NR6A1: variants seen among roughly 807,000 people sequenced by gnomAD.
The protein encoded by NR6A1 is retinoic acid receptor-related testis-associated receptor.
NR6A1 carries 7 observed loss-of-function variants against 59.1 expected under a neutral mutation model. The ratio of observed to expected loss-of-function variants is 0.12; its 90% CI spans 0.07 to 0.22. NR6A1 has a LOEUF of 0.22. Ranked by LOEUF, NR6A1 falls within the 10% of genes least tolerant of loss-of-function variation. The probability of loss-of-function intolerance (pLI) is 1.00; values close to 1 mark genes in which losing one functional copy is unlikely to be tolerated. For missense variants in NR6A1, 468 were observed against 611.6 expected, an observed-to-expected ratio of 0.77 and a Z score of 2.48; for synonymous variants, 243 against 236.1, an observed-to-expected ratio of 1.03 and a Z score of -0.27.
intron 2 of NR6A1, among the ~76,000 whole-genome samples, chr9:124,628,848 CG>C (rs1214781253): frequency 6.6e-6 from 1 of 151,980 alleles, no homozygotes; most frequent in African/African-American, 2.4e-5. Context: ...TTAGTAGAGA[CG>C]GGGTTTCACC....
rs975760604 is a variant in NR6A1, at chr9:124,526,765, C to T, written c.1201+14G>A. On this transcript the variant is annotated intron_variant, in intron 8 of 9. Coordinates refer to ENST00000487099, the MANE Select transcript of NR6A1 (RefSeq NM_033334.4). The stretch of plus-strand genomic sequence containing the variant: ...CGCACTGCAAACGTCCCTTTTCCCA[C>T]CCCAGCCACTCACCTTGATTTAGGA... 7 of 1,612,284 alleles carry T rather than the reference C, an allele frequency of 4.3e-6. No individual in the cohort carries two copies. The highest frequency in any genetic ancestry group is 4.2e-6 in the Non-Finnish European group (5 of 1,178,824).
intron 1 of NR6A1, 73 bp downstream of exon 1, chr9:124,770,941 CAGAGAG>C (rs1841135253): frequency 4.8e-6 from 4 of 827,430 alleles, no homozygotes; most frequent in Non-Finnish European, 4.8e-6. Context: ...CGAGGGTCGG[CAGAGAG>C]GAGGGGGATC....
At chr9:124,726,483 G>A (rs997606646) in intron 2 of NR6A1, among the ~76,000 whole-genome samples, 13 of 152,180 alleles carry the variant, frequency 8.5e-5, no homozygotes, top group African/African-American at 3.1e-4. Context: ...TTCAGCTCAC[G>A]TTCCATGATT....
At chr9:124,587,814 A>T (rs545069149) in intron 2 of NR6A1, among the ~76,000 whole-genome samples, 2 of 152,332 alleles carry the variant, frequency 1.3e-5, no homozygotes, top group African/African-American at 4.8e-5. Flanking sequence ...ACATGACTTT[A>T]CTAACGCAGC....
intron 2 of NR6A1, among the ~76,000 whole-genome samples, chr9:124,619,756 A>G (rs534798902): frequency 6.6e-6 from 1 of 152,150 alleles, no homozygotes; most frequent in Non-Finnish European, 1.5e-5. Flanking sequence ...GATTATGATG[A>G]AAATTCAATT....
At chr9:124,711,244 C>T (rs1443755530) in intron 2 of NR6A1, among the ~76,000 whole-genome samples, 1 of 137,604 alleles carries the variant, frequency 7.3e-6, no homozygotes, top group Non-Finnish European at 1.6e-5. Flanking sequence ...ACCAAGCAAT[C>T]TATTCTAGCC....
chr9:124,708,023 A>T (rs1390188076), intron 2 of NR6A1, among the ~76,000 whole-genome samples: 3 of 152,132 alleles, frequency 2.0e-5, no homozygotes, highest in Non-Finnish European at 2.9e-5. Context: ...CAGGTGTCTG[A>T]TGTGCATAAA....
At chr9:124,537,078 T>C (rs1190774762) in intron 6 of NR6A1, among the ~76,000 whole-genome samples, 1 of 138,720 alleles carries the variant, frequency 7.2e-6, no homozygotes. Flanking sequence ...AAATTTTTTT[T>C]TTTTTTTTTT....
intron 2 of NR6A1, among the ~76,000 whole-genome samples, chr9:124,667,335 T>C (rs1837655194): frequency 6.6e-6 from 1 of 152,092 alleles, no homozygotes. Context: ...CCGCCTGGCT[T>C]ATCCACCCTA....
chr9:124,699,897 C>T (rs934751618), intron 2 of NR6A1, among the ~76,000 whole-genome samples: 1 of 152,216 alleles, frequency 6.6e-6, no homozygotes, highest in African/African-American at 2.4e-5. Context: ...CCAGTCTTCG[C>T]CCAGACTGGA....
chr9:124,629,133 A>G (rs1005267623), intron 2 of NR6A1, among the ~76,000 whole-genome samples: 1 of 152,166 alleles, frequency 6.6e-6, no homozygotes, highest in African/African-American at 2.4e-5. Context: ...TCCTGCCACA[A>G]GTGAATGGAG....
chr9:124,647,945 A>G (rs1399935617), intron 2 of NR6A1, among the ~76,000 whole-genome samples: 3 of 152,146 alleles, frequency 2.0e-5, no homozygotes, highest in Non-Finnish European at 2.9e-5. Flanking sequence ...GAACACTTCC[A>G]AACTCATTCT....
chr9:124,736,496 A>T (rs1840023581), intron 1 of NR6A1, among the ~76,000 whole-genome samples: 1 of 152,192 alleles, frequency 6.6e-6, no homozygotes, highest in South Asian at 2.1e-4. Context: ...AATTGACCCT[A>T]ACTTTGTTGT....
At chr9:124,694,912 G>A (rs1454109862) in intron 2 of NR6A1, among the ~76,000 whole-genome samples, 1 of 152,166 alleles carries the variant, frequency 6.6e-6, no homozygotes, top group Admixed American at 6.5e-5. Context: ...AGAGTTCAGA[G>A]AAAATATCAG....
chr9:124,576,801 C>A (rs967749131), intron 2 of NR6A1, among the ~76,000 whole-genome samples: 1 of 152,078 alleles, frequency 6.6e-6, no homozygotes, highest in East Asian at 1.9e-4. Flanking sequence ...GCCTGTGAAT[C>A]CTAGTTGAGA....
At chr9:124,703,635 G>C (rs971762233) in intron 2 of NR6A1, among the ~76,000 whole-genome samples, 1 of 152,056 alleles carries the variant, frequency 6.6e-6, no homozygotes, top group Non-Finnish European at 1.5e-5. Flanking sequence ...CTATATTGTT[G>C]AATTTGGTTT....
intron 2 of NR6A1, among the ~76,000 whole-genome samples, chr9:124,610,809 T>C (rs555126537): frequency 6.6e-6 from 1 of 152,360 alleles, no homozygotes; most frequent in Admixed American, 6.5e-5. Context: ...GGATTCAACT[T>C]CTTCCTGGCT....
At chr9:124,580,742 C>G (rs139223918) in intron 2 of NR6A1, among the ~76,000 whole-genome samples, 2 of 152,016 alleles carry the variant, frequency 1.3e-5, no homozygotes, top group Non-Finnish European at 2.9e-5. Flanking sequence ...ATCGCTTGAA[C>G]CCAGGAGGCA....
At chr9:124,709,924 C>G (rs1396377195) in intron 2 of NR6A1, among the ~76,000 whole-genome samples, 1 of 145,164 alleles carries the variant, frequency 6.9e-6, no homozygotes, top group Non-Finnish European at 1.5e-5. Context: ...CCAGCCTGAG[C>G]AACAAAGTGA....
Sources: gnomAD v4.1 joint callset for allele counts (sites outside exome capture counted in the v4.1 genomes callset) on GRCh38, gnomAD v4.1.1 for gene constraint, MANE v1.5 for transcripts, NCBI Gene and HGNC (gene_info 2026-07-23, HGNC 2026-07-21) for gene names.